DSE: variants seen among roughly 807,000 people sequenced by gnomAD.
The protein encoded by DSE is dermatan sulfate epimerase.
Under a neutral mutation model 84.4 loss-of-function variants are expected in DSE, and 36 were observed. The observed-to-expected ratio is 0.43, with a 90% confidence interval of 0.33 to 0.56. The LOEUF is 0.56. Among genes scored for constraint, DSE ranks in the 20% least tolerant of loss-of-function variants. The probability of loss-of-function intolerance (pLI) is 0.06; values close to 1 mark genes in which losing one functional copy is unlikely to be tolerated. For synonymous variants in DSE, 410 were observed against 430.1 expected (o/e 0.95, Z 0.58); for missense variants, 862 against 1,169.6 (o/e 0.74, Z 3.84).
intron 2 of DSE, among the ~76,000 whole-genome samples, chr6:116,299,537 T>C (rs1774890105): frequency 3.8e-5 from 1 of 26,650 alleles, no homozygotes; most frequent in Non-Finnish European, 5.8e-5. Context: ...TATATATATA[T>C]ATATATATAT....
At chr6:116,409,092 T>C (rs975189658) in intron 2 of DSE, among the ~76,000 whole-genome samples, 1 of 152,218 alleles carries the variant, frequency 6.6e-6, no homozygotes, top group African/African-American at 2.4e-5. Context: ...ATATATGATA[T>C]ATACTTCATA....
chr6:116,360,673 A>G (rs549140227), intron 2 of DSE, among the ~76,000 whole-genome samples: 2 of 152,356 alleles, frequency 1.3e-5, no homozygotes, highest in Non-Finnish European at 2.9e-5. Flanking sequence ...TAATTCTAAT[A>G]AAGTCAGATG....
rs1583227993 is a variant in DSE at position 116,431,072 on chromosome 6, C to T, written c.789C>T (p.Ser263=). The T allele has an allele frequency of 6.2e-7, 1 of 1,614,176 alleles. No individual in the cohort carries two copies. The highest frequency in any genetic ancestry group is 1.1e-5 in the South Asian group (1 of 91,090). Residue 263 remains serine, a synonymous_variant, in exon 4 of 6, where the codon AGC becomes AGT. Coordinates refer to ENST00000644252, the MANE Select transcript of DSE (RefSeq NM_013352.4). The part of the protein sequence containing the change: ...GSLYEGVAYG[S]YTTRSLFQYM... ...TCTATGAAGGAGTTGCGTATGGCAG[C>T]TACACCACTAGATCACTCTTCCAAT...
At chr6:116,291,761 G>A (rs1774291944) in intron 2 of DSE, among the ~76,000 whole-genome samples, 1 of 152,094 alleles carries the variant, frequency 6.6e-6, no homozygotes, top group Non-Finnish European at 1.5e-5. Flanking sequence ...TTATAAAAAT[G>A]CAGGCAAGGG....
chr6:116,379,675 A>G (rs746320439), intron 1 of DSE, among the ~76,000 whole-genome samples: 4 of 152,136 alleles, frequency 2.6e-5, no homozygotes, highest in Admixed American at 6.5e-5. Context: ...CCCATTATCT[A>G]TGTGCTTTGT....
Position 116,399,267 on chromosome 6 carries a change from G to A in DSE, c.17G>A (p.Arg6Gln), listed in dbSNP as rs758271302. MRTHTRGAPSVFFIYL... is the reference protein window; with the variant it reads MRTHTQGAPSVFFIYL... ...GATGCCACGATGAGGACTCACACAC[G>A]GGGGGCTCCCAGTGTGTTTTTCATA... The change falls in exon 2 of 6, where the codon CGG (arginine) becomes CAG (glutamine). Residue 6 changes from arginine (R) to glutamine (Q), a missense_variant. Around this residue, in one of 4 missense-constraint regions of DSE, gnomAD observed 52 missense variants for 49.6 expected, o/e 1.05. Coordinates refer to ENST00000644252, the MANE Select transcript of DSE (RefSeq NM_013352.4). The A allele has an allele frequency of 7.4e-6, 12 of 1,613,600 alleles. No individual in the cohort carries two copies. The highest frequency in any genetic ancestry group is 1.0e-5 in the Non-Finnish European group (12 of 1,180,022).
intron 2 of DSE, among the ~76,000 whole-genome samples, chr6:116,340,168 T>C (rs1777505271): frequency 6.6e-6 from 1 of 152,162 alleles, no homozygotes; most frequent in Non-Finnish European, 1.5e-5. Context: ...CAGATTAATG[T>C]TTTTCGTCAA....
chr6:116,425,251 A>C (rs1783357737), intron 2 of DSE, among the ~76,000 whole-genome samples: 1 of 152,210 alleles, frequency 6.6e-6, no homozygotes, highest in Admixed American at 6.5e-5. Context: ...CTTACATATT[A>C]TGTCTTACGA....
chr6:116,323,236 TC>T (rs2114767811), intron 2 of DSE, among the ~76,000 whole-genome samples: 1 of 152,374 alleles, frequency 6.6e-6, no homozygotes, highest in South Asian at 2.1e-4. Context: ...TGTATTTTTT[TC>T]AGTTGTAGCA....
chr6:116,297,226 G>C (rs1774725723), intron 2 of DSE, among the ~76,000 whole-genome samples: 1 of 152,110 alleles, frequency 6.6e-6, no homozygotes, highest in Non-Finnish European at 1.5e-5. Context: ...AACCCTAGGA[G>C]CCGTCCTTAG....
Position 116,433,400 on chromosome 6 carries a change from A to G in DSE, c.968A>G (p.Glu323Gly). Reference sequence around the variant, plus strand: ...AATTACAACTGGTTTTATGGTCCAGAAAGCCAATTAGTGTTCCTTGATAAA... The same window carrying G: ...AATTACAACTGGTTTTATGGTCCAGGAAGCCAATTAGTGTTCCTTGATAAA... ...DSNYNWFYGP[E>G]SQLVFLDKFV... is the part of the protein sequence containing the mutation. Residue 323 changes from glutamate (E) to glycine (G), a missense_variant, in exon 5 of 6, where the codon GAA becomes GGA. Glu to Gly is a moderately conservative substitution (Grantham distance 98). Around this residue, in one of 4 missense-constraint regions of DSE, gnomAD observed 309 missense variants for 516.9 expected, o/e 0.60. Transcript: ENST00000644252. 1 of 1,551,750 alleles carries G rather than the reference A, an allele frequency of 6.4e-7. No individual in the cohort carries two copies. The highest frequency in any genetic ancestry group is 8.7e-7 in the Non-Finnish European group (1 of 1,146,986).
intron 2 of DSE, among the ~76,000 whole-genome samples, chr6:116,306,513 C>T (rs189470062): frequency 1.3e-5 from 2 of 152,252 alleles, no homozygotes. Flanking sequence ...ATGTTTGTTT[C>T]TCCTTCTGTG....
At chr6:116,361,280 C>G (rs1562253644) in intron 2 of DSE, among the ~76,000 whole-genome samples, 1 of 152,012 alleles carries the variant, frequency 6.6e-6, no homozygotes, top group Non-Finnish European at 1.5e-5. Flanking sequence ...AGGCTGGTGT[C>G]AAACTCCTGA....
intron 2 of DSE, among the ~76,000 whole-genome samples, chr6:116,403,912 T>C (rs1463857372): frequency 6.6e-6 from 1 of 152,186 alleles, no homozygotes; most frequent in Non-Finnish European, 1.5e-5. Context: ...GTTTTGCTCA[T>C]ATGTGTATCC....
chr6:116,309,599 A>G (rs754045823), intron 2 of DSE, among the ~76,000 whole-genome samples: 1 of 152,242 alleles, frequency 6.6e-6, no homozygotes, highest in African/African-American at 2.4e-5. Context: ...AATATCTGAG[A>G]CTAGGTAATT....
intron 2 of DSE, among the ~76,000 whole-genome samples, chr6:116,266,349 T>C (rs1375020691): frequency 6.6e-6 from 1 of 152,196 alleles, no homozygotes; most frequent in African/African-American, 2.4e-5. Context: ...AAATAAGCCT[T>C]ATTTGTTCCC....
exon 2 of DSE, chr6:116,258,651 G>A: frequency 6.2e-7 from 1 of 1,612,274 alleles, no homozygotes; most frequent in South Asian, 1.1e-5. Context: ...GAGCACCTGT[G>A]CACAGCAGCC....
upstream of DSE, chr6:116,370,172 T>C (rs1039298183): frequency 3.1e-6 from 1 of 327,094 alleles, no homozygotes; most frequent in Non-Finnish European, 6.1e-6. Context: ...CACCTGAACT[T>C]GGGTGCATGA....
Position 116,433,510 on chromosome 6 carries a change from A to G in DSE, c.1078A>G (p.Lys360Glu). Residue 360 changes from lysine to glutamate, a missense_variant, in exon 5 of 6, where the codon AAA (lysine) becomes GAA (glutamate). This residue lies in a region of DSE where 309 missense variants were observed against 516.9 expected (regional missense o/e 0.60). Coordinates refer to ENST00000644252, the MANE Select transcript of DSE (RefSeq NM_013352.4). ...RVVEGPGTPS[K>E]GQRWCTLHTE... ...GGTGGAAGGTCCAGGAACACCATCC[A>G]AAGGGCAGCGCTGGTGCACTCTGCA... 1 of 1,573,852 alleles carries G rather than the reference A, an allele frequency of 6.4e-7. No homozygotes were observed. The highest frequency in any genetic ancestry group is 8.6e-7 in the Non-Finnish European group (1 of 1,157,800).
Sources: gnomAD v4.1 joint callset for allele counts (sites outside exome capture counted in the v4.1 genomes callset) on GRCh38, gnomAD v4.1.1 for gene constraint, gnomAD v4.1.1 regional missense constraint, MANE v1.5 for transcripts, NCBI Gene and HGNC (gene_info 2026-07-23, HGNC 2026-07-21) for gene names.